Variants in TCERG1L observed in about 807,000 individuals in gnomAD.
TCERG1L encodes transcription elongation regulator 1 like.
Under a neutral mutation model 56.3 loss-of-function variants are expected in TCERG1L, and 37 were observed. The ratio of observed to expected loss-of-function variants is 0.66; its 90% confidence interval spans 0.51 to 0.87. The LOEUF (loss-of-function observed/expected upper bound fraction) is 0.87. Among genes scored for constraint, TCERG1L ranks in the 40% least tolerant of loss-of-function variants. The pLI, the probability that TCERG1L is intolerant of heterozygous loss-of-function variation, is 0.00. For missense variants in TCERG1L, 799 were observed against 774.2 expected (o/e 1.03, Z -0.38); for synonymous variants, 324 against 326.3 (o/e 0.99, Z 0.08).
chr10:131,201,347 G>A lies in TCERG1L; in HGVS notation c.857-34462C>T, dbSNP rs181066431. 2.3e-3 allele frequency among the ~76,000 whole-genome samples: 351 copies of A among 152,278 alleles called. 1 individual carries two copies. The highest frequency in any genetic ancestry group is 8.0e-3 in the African/African-American group (334 of 41,556). Reference sequence around the variant, plus strand: ...GACAGCGACAGAGAGGGTCACGCTGGGAACAGACAGCAGCCTTCCTGAGGC... The same window carrying A: ...GACAGCGACAGAGAGGGTCACGCTGAGAACAGACAGCAGCCTTCCTGAGGC... On this transcript the variant is annotated intron_variant, in intron 4 of 11. Coordinates refer to ENST00000368642, the MANE Select transcript of TCERG1L (RefSeq NM_174937.4).
intron 4 of TCERG1L, among the ~76,000 whole-genome samples, chr10:131,217,708 C>CTT (rs534101797): frequency 5.4e-4 from 43 of 79,106 alleles, no homozygotes; most frequent in African/African-American, 6.9e-4. Context: ...AGTAGCTGCC[C>CTT]TTTTTTTTTT....
intron 3 of TCERG1L, among the ~76,000 whole-genome samples, chr10:131,277,425 G>A (rs1291584587): frequency 1.3e-5 from 2 of 152,212 alleles, no homozygotes; most frequent in African/African-American, 4.8e-5. Flanking sequence ...TCTCCCGCAG[G>A]CCTGCGCCGG....
At chr10:131,165,727 T>C (rs544344510) in intron 5 of TCERG1L, among the ~76,000 whole-genome samples, 1 of 152,224 alleles carries the variant, frequency 6.6e-6, no homozygotes, top group East Asian at 1.9e-4. Flanking sequence ...ATGTAATTTG[T>C]GATGGGGACT....
rs528370146 is a variant in TCERG1L at position 131,311,544 on chromosome 10, G to A, written c.92C>T (p.Ala31Val). Residue 31 changes from alanine to valine, a missense_variant, in exon 1 of 12, where the codon GCA becomes GTA. Ala to Val is a moderately conservative substitution (Grantham distance 64, BLOSUM62 0). Coordinates refer to ENST00000368642, the MANE Select transcript of TCERG1L (RefSeq NM_174937.4). This position sits in a 1 kb window ranked among gnomAD's most constrained non-coding sequence, Gnocchi z 4.0. ...CCAGGGCGGCGGCGGCGGCGGCTCT[G>A]CGTCCATCGGCCAGAGGAGAGGCTG... The part of the protein sequence containing the change: ...RRQPLLWPMD[A>V]EPPPPPPWVW... The A allele has an allele frequency of 1.8e-3, 2,158 of 1,191,352 alleles. 6 individuals carry two copies. Among genetic ancestry groups the A allele is most frequent in the Middle Eastern group, 0.013 (39 of 2,938 alleles). 73.8% of individuals were successfully genotyped at this position (1,191,352 alleles called of 1,614,324 possible). A position where few individuals can be genotyped will look rare whatever the true frequency, so the allele number is the denominator to read the frequency against.
intron 11 of TCERG1L, 53 bp downstream of exon 11, chr10:131,098,253 C>A: frequency 6.6e-7 from 1 of 1,525,120 alleles, no homozygotes; most frequent in Non-Finnish European, 8.8e-7. Context: ...GTCCTCTTGT[C>A]ATTGGTAAGT....
At chr10:131,304,877 T>C (rs1256095148) in intron 3 of TCERG1L, among the ~76,000 whole-genome samples, 3 of 152,010 alleles carry the variant, frequency 2.0e-5, no homozygotes, top group Non-Finnish European at 4.4e-5. Context: ...TCCTGGGGAC[T>C]GACTCACCCC....
intron 8 of TCERG1L, among the ~76,000 whole-genome samples, chr10:131,130,278 C>T (rs1373125884): frequency 1.3e-5 from 2 of 152,138 alleles, no homozygotes; most frequent in Admixed American, 6.5e-5. Flanking sequence ...CAGGGAAAGA[C>T]TGCCCTGGTG....
At chr10:131,275,985 G>A (rs1241866324) in intron 3 of TCERG1L, among the ~76,000 whole-genome samples, 1 of 152,170 alleles carries the variant, frequency 6.6e-6, no homozygotes, top group Non-Finnish European at 1.5e-5. Context: ...AGACATGCCT[G>A]CCTCCACCAC....
In TCERG1L at chr10:131,260,595, G is replaced by A. The variant is rs549396382; in HGVS notation, c.671-151C>T. ...ATGGAGGCCCACAGTATGTGCCACC[G>A]TCCGCAGAACAAATGCTTCTGATGA... On this transcript the variant is annotated intron_variant, in intron 3 of 11. Coordinates refer to ENST00000368642, the MANE Select transcript of TCERG1L (RefSeq NM_174937.4). This position sits in a 1 kb window ranked among gnomAD's most constrained non-coding sequence, Gnocchi z 5.8. Among the ~76,000 whole-genome samples, 6 of 152,260 alleles carry A rather than the reference G, an allele frequency of 3.9e-5. No homozygotes were observed. Among genetic ancestry groups the A allele is most frequent in the South Asian group, 4.2e-4 (2 of 4,812 alleles).
At chr10:131,288,506 C>T (rs1846571672) in intron 3 of TCERG1L, among the ~76,000 whole-genome samples, 1 of 152,156 alleles carries the variant, frequency 6.6e-6, no homozygotes, top group Non-Finnish European at 1.5e-5. Flanking sequence ...GAGGTGGGTG[C>T]TACCACCCAG....
intron 4 of TCERG1L, among the ~76,000 whole-genome samples, chr10:131,174,244 G>T (rs1247600621): frequency 1.3e-5 from 2 of 152,208 alleles, no homozygotes; most frequent in Non-Finnish European, 2.9e-5. Context: ...ACTGGGGCAG[G>T]AGGGTGGTGG....
intron 4 of TCERG1L, among the ~76,000 whole-genome samples, chr10:131,255,584 A>G (rs1447644625): frequency 6.6e-6 from 1 of 152,244 alleles, no homozygotes. Context: ...TCTATACTGG[A>G]CATAACCTTA....
chr10:131,141,940 T>C (rs930986256), intron 7 of TCERG1L, among the ~76,000 whole-genome samples: 8 of 152,098 alleles, frequency 5.3e-5, no homozygotes, highest in Non-Finnish European at 1.2e-4. Flanking sequence ...GCTCACCCCT[T>C]CCCTTGCACC....
intron 4 of TCERG1L, among the ~76,000 whole-genome samples, chr10:131,169,760 A>T (rs1306952027): frequency 1.3e-5 from 2 of 152,190 alleles, no homozygotes; most frequent in South Asian, 2.1e-4. Flanking sequence ...GCACGTCTGT[A>T]TCTTCTACGA....
chr10:131,174,730 C>A (rs1354275184), intron 4 of TCERG1L, among the ~76,000 whole-genome samples: 2 of 152,144 alleles, frequency 1.3e-5, no homozygotes, highest in East Asian at 3.9e-4. Context: ...CCTGAATTGC[C>A]CCTTGCAAGA....
At chr10:131,144,695 G>A (rs1353234889) in intron 7 of TCERG1L, among the ~76,000 whole-genome samples, 2 of 152,118 alleles carry the variant, frequency 1.3e-5, no homozygotes, top group Non-Finnish European at 2.9e-5. Flanking sequence ...TCTAAGTAGA[G>A]TACTTAGGTC....
intron 4 of TCERG1L, among the ~76,000 whole-genome samples, chr10:131,255,045 C>A (rs1015688028): frequency 2.0e-5 from 3 of 152,040 alleles, no homozygotes; most frequent in Admixed American, 2.0e-4. Flanking sequence ...AGAGGAGGCA[C>A]CAGGCTAGAG....
chr10:131,233,212 G>A (rs1466263774), intron 4 of TCERG1L, among the ~76,000 whole-genome samples: 1 of 152,220 alleles, frequency 6.6e-6, no homozygotes, highest in Non-Finnish European at 1.5e-5. Flanking sequence ...CGAGAGACAG[G>A]AAGAAAGGAG....
Position 131,311,182 on chromosome 10 carries a change from G to A in TCERG1L, c.342+112C>T. On this transcript the variant is annotated intron_variant, in intron 1 of 11. Coordinates refer to ENST00000368642, the MANE Select transcript of TCERG1L (RefSeq NM_174937.4). This position sits in a 1 kb window ranked among gnomAD's most constrained non-coding sequence, Gnocchi z 4.0. ...CGTCCTGAGGGTTTGGGGCGGCGAG[G>A]ACCGCCGGGGAGGAGGGCGCGCGAG... 1.1e-6 allele frequency: 1 copy of A among 874,900 alleles called. No individual in the cohort carries two copies. Among genetic ancestry groups the A allele is most frequent in the Non-Finnish European group, 1.5e-6 (1 of 682,516 alleles). The allele number at this position is 874,900 out of a possible 1,614,324, so 54.2% of individuals were successfully genotyped here. A position where few individuals can be genotyped will look rare whatever the true frequency, so the allele number is the denominator to read the frequency against.
Sources: gnomAD v4.1 joint callset for allele counts (sites outside exome capture counted in the v4.1 genomes callset) on GRCh38, gnomAD v4.1.1 for gene constraint, Gnocchi (gnomAD v3.1) non-coding constraint, MANE v1.5 for transcripts, NCBI Gene and HGNC (gene_info 2026-07-23, HGNC 2026-07-21) for gene names.